Variants in PRDM16 observed in about 807,000 individuals in gnomAD.
The protein encoded by PRDM16 is histone-lysine N-methyltransferase PRDM16.
PRDM16 carries 23 observed loss-of-function variants against 110.6 expected under a neutral mutation model. The ratio of observed to expected loss-of-function variants is 0.21; its 90% confidence interval spans 0.15 to 0.29. The LOEUF (loss-of-function observed/expected upper bound fraction) is 0.29, where lower values mean the gene tolerates loss of function less well. Among genes scored for constraint, PRDM16 ranks in the 10% least tolerant of loss-of-function variants. The probability of loss-of-function intolerance (pLI) is 1.00; values close to 1 mark genes in which losing one functional copy is unlikely to be tolerated. For synonymous variants in PRDM16, 799 were observed against 781.8 expected (o/e 1.02, Z -0.37); for missense variants, 1,615 against 1,794.3 (o/e 0.90, Z 1.81).
intron 3 of PRDM16, among the ~76,000 whole-genome samples, chr1:3,280,108 G>C (rs954329136): frequency 3.3e-5 from 5 of 152,060 alleles, no homozygotes; most frequent in African/African-American, 2.4e-5. Flanking sequence ...CTCTATTGCT[G>C]TGTGGAAGCC....
At chr1:3,323,472 C>A (rs1312156977) in intron 3 of PRDM16, among the ~76,000 whole-genome samples, 1 of 152,256 alleles carries the variant, frequency 6.6e-6, no homozygotes, top group East Asian at 1.9e-4. Context: ...AAGCGTCTTC[C>A]TCCCACAGCA....
chr1:3,140,944 TA>T (rs1184332293), intron 1 of PRDM16, among the ~76,000 whole-genome samples: 1 of 152,138 alleles, frequency 6.6e-6, no homozygotes, highest in Non-Finnish European at 1.5e-5. Context: ...ACATGGCTTT[TA>T]CTCCCGATAC....
At chr1:3,254,684 A>G (rs1640008073) in intron 3 of PRDM16, among the ~76,000 whole-genome samples, 2 of 152,326 alleles carry the variant, frequency 1.3e-5, no homozygotes, top group South Asian at 2.1e-4. Context: ...AGAACATTCC[A>G]TGCTCATGGA....
intron 1 of PRDM16, among the ~76,000 whole-genome samples, chr1:3,100,369 C>G (rs1642502818): frequency 6.6e-6 from 1 of 152,204 alleles, no homozygotes; most frequent in East Asian, 1.9e-4. Context: ...TGGGTCCTCT[C>G]TTCCAGTGGG....
chr1:3,333,787 C>A (rs1197682328), intron 3 of PRDM16, among the ~76,000 whole-genome samples: 1 of 152,044 alleles, frequency 6.6e-6, no homozygotes, highest in Non-Finnish European at 1.5e-5. Context: ...ATGAGTGAGT[C>A]CCCCCTCGGT....
intron 1 of PRDM16, among the ~76,000 whole-genome samples, chr1:3,089,856 C>T (rs974760982): frequency 1.3e-5 from 2 of 152,250 alleles, no homozygotes; most frequent in African/African-American, 4.8e-5. Context: ...CTCCGGCCGA[C>T]CGACACCAGC....
chr1:3,122,089 G>A (rs982705026), intron 1 of PRDM16, among the ~76,000 whole-genome samples: 5 of 152,268 alleles, frequency 3.3e-5, no homozygotes, highest in Admixed American at 6.5e-5. Context: ...TCCTGCGCAC[G>A]GTGTCTGTGG....
chr1:3,107,850 C>T (rs1011173496), intron 1 of PRDM16, among the ~76,000 whole-genome samples: 1 of 152,284 alleles, frequency 6.6e-6, no homozygotes, highest in Non-Finnish European at 1.5e-5. Context: ...ACTGGCCAAG[C>T]TCTGGGCCTC....
At chr1:3,253,772 A>G (rs1226989459) in intron 3 of PRDM16, among the ~76,000 whole-genome samples, 1 of 150,704 alleles carries the variant, frequency 6.6e-6, no homozygotes, top group Non-Finnish European at 1.5e-5. Flanking sequence ...TAGATCCCTG[A>G]GGAATTGCCA....
At chr1:3,107,510 G>A (rs1642685189) in intron 1 of PRDM16, among the ~76,000 whole-genome samples, 1 of 152,192 alleles carries the variant, frequency 6.6e-6, no homozygotes, top group Non-Finnish European at 1.5e-5. Context: ...ATCATTTAAT[G>A]CCCGATGGGG....
intron 3 of PRDM16, among the ~76,000 whole-genome samples, chr1:3,292,301 C>T (rs974821857): frequency 1.3e-5 from 2 of 152,220 alleles, no homozygotes; most frequent in Non-Finnish European, 2.9e-5. Flanking sequence ...GAGGTGATAA[C>T]GCGGGCACGG....
intron 3 of PRDM16, among the ~76,000 whole-genome samples, chr1:3,270,656 C>T (rs1292232899): frequency 8.6e-6 from 1 of 116,400 alleles, no homozygotes; most frequent in Non-Finnish European, 1.6e-5. Context: ...CAGAGGAGAA[C>T]AGTCAGGAGG....
intron 2 of PRDM16, 142 bp downstream of exon 2, chr1:3,186,616 T>C: frequency 1.7e-6 from 1 of 600,518 alleles, no homozygotes; most frequent in South Asian, 2.3e-5. Flanking sequence ...TCCCAGCCTA[T>C]TTTATCCTGC....
chr1:3,090,827 G>A (rs912801776), intron 1 of PRDM16, among the ~76,000 whole-genome samples: 1 of 152,242 alleles, frequency 6.6e-6, no homozygotes, highest in African/African-American at 2.4e-5. Context: ...AGGAGCAGCA[G>A]CTGACACTCC....
intron 1 of PRDM16, among the ~76,000 whole-genome samples, chr1:3,087,036 C>T (rs920752748): frequency 9.2e-5 from 14 of 152,186 alleles, no homozygotes; most frequent in Non-Finnish European, 1.8e-4. Context: ...AGGCCAACAG[C>T]GACATGCTCG....
intron 3 of PRDM16, among the ~76,000 whole-genome samples, chr1:3,273,806 A>C (rs1411201348): frequency 7.3e-6 from 1 of 136,256 alleles, no homozygotes; most frequent in African/African-American, 2.9e-5. Context: ...GGCTAACTGC[A>C]TAGGCATGTA....
At chr1:3,232,580 C>T (rs1010645317) in intron 2 of PRDM16, among the ~76,000 whole-genome samples, 4 of 152,046 alleles carry the variant, frequency 2.6e-5, no homozygotes, top group African/African-American at 7.2e-5. Flanking sequence ...ATGCTTGCTT[C>T]GTGAGTAAGT....
At chr1:3,421,934 AGACAGACAGGCAGGCG>A (rs1557667569) in intron 12 of PRDM16, among the ~76,000 whole-genome samples, 1 of 54,356 alleles carries the variant, frequency 1.8e-5, no homozygotes, top group Non-Finnish European at 6.0e-5. Context: ...ACAGGCAGGC[AGACAGACAGGCAGGCG>A]GACAGACAGG....
At chr1:3,163,579 G>A (rs1009127436) in intron 1 of PRDM16, among the ~76,000 whole-genome samples, 1 of 152,218 alleles carries the variant, frequency 6.6e-6, no homozygotes, top group Non-Finnish European at 1.5e-5. Context: ...TGAAACAACA[G>A]ATACTTCTCC....
Sources: allele counts gnomAD v4.1 joint callset (sites outside exome capture counted in the v4.1 genomes callset), GRCh38; gene constraint gnomAD v4.1.1; transcripts MANE v1.5; gene names NCBI Gene and HGNC (gene_info 2026-07-23, HGNC 2026-07-21).